The following LTB4R2 variants were observed in gnomAD, a reference collection of about 807,000 sequenced individuals.
LTB4R2 encodes the protein LTB4 receptor JULF2.
In LTB4R2, 6 loss-of-function variants were observed where a neutral mutation model predicts 5.3. That is an observed-to-expected ratio of 1.14 (90% CI 0.62 to 2.24). The LOEUF is 2.24. LTB4R2 is among the 30% of genes most tolerant of loss of function. LTB4R2 has a pLI of 0.00. For synonymous variants in LTB4R2, 310 were observed against 264.2 expected, an observed-to-expected ratio of 1.17 and a Z score of -1.68; for missense variants, 560 against 521.5, an observed-to-expected ratio of 1.07 and a Z score of -0.72.
chr14:24,311,501 C>T lies in LTB4R2; in HGVS notation c.837C>T (p.Phe279=), dbSNP rs769382667. Reference sequence around the variant, plus strand: ...CGGGAACTACGGCCTTGGCCTTCTTCAGTTCTAGCGTCAACCCGGTGCTCT... The same window carrying T: ...CGGGAACTACGGCCTTGGCCTTCTTTAGTTCTAGCGTCAACCCGGTGCTCT... ...ARAGTTALAF[F]SSSVNPVLYV... Residue 279 remains phenylalanine (F), a synonymous_variant, in exon 2 of 2, where the codon TTC becomes TTT. Coordinates refer to ENST00000533293, the MANE Select transcript of LTB4R2 (RefSeq NM_019839.5). 17 of 1,602,158 alleles carry T rather than the reference C, an allele frequency of 1.1e-5. No individual in the cohort carries two copies. The South Asian group carries it at 1.5e-4, about 14-fold the overall frequency.
At position 24,310,782 on chromosome 14, in the gene LTB4R2, T is replaced by C. The variant is rs768486468; in HGVS notation, c.118T>C (p.Phe40Leu). The change falls in exon 2 of 2, where the codon TTC (phenylalanine) becomes CTC (leucine). Residue 40 changes from phenylalanine to leucine, a missense_variant. Coordinates refer to ENST00000533293, the MANE Select transcript of LTB4R2 (RefSeq NM_019839.5). ...GCTGCTGGGGCTGCCTGGCAACGGC[T>C]TCGTGGTGTGGAGCTTGGCGGGCTG... ...AALLGLPGNG[F>L]VVWSLAGWRP... The C allele has an allele frequency of 1.2e-6, 2 of 1,606,666 alleles. No homozygotes were observed. Among genetic ancestry groups the C allele is most frequent in the Admixed American group, 1.7e-5 (1 of 59,928 alleles).
chr14:24,311,832 C>T lies in LTB4R2; in HGVS notation c.*91C>T. 1 of 1,180,566 alleles carries T rather than the reference C, an allele frequency of 8.5e-7. No individual in the cohort carries two copies. The allele number at this position is 1,180,566 out of a possible 1,614,324, so 73.1% of individuals were successfully genotyped here. On this transcript the variant is annotated 3_prime_UTR_variant, in exon 2 of 2. Transcript: ENST00000533293. ...CAGTGTTCTGGGACATTTGGGGACC[C>T]TTCTTTGACTAGAGTTTGGATCTGG...
At position 24,311,199 on chromosome 14, in the gene LTB4R2, G is replaced by A. The variant is rs1334784733; in HGVS notation, c.535G>A (p.Ala179Thr). Residue 179 changes from alanine to threonine, a missense_variant, in exon 2 of 2, where the codon GCC becomes ACC. Transcript: ENST00000533293. Reference protein sequence around the residue: ...QLCHPSPVHAAAHLSLETLTA... With the variant: ...QLCHPSPVHATAHLSLETLTA... ...GTGCCACCCGTCGCCGGTCCACGCC[G>A]CCGCCCACCTGAGCCTGGAGACTCT... The A allele has an allele frequency of 1.9e-6, 3 of 1,608,182 alleles. No homozygotes were observed. The highest frequency in any genetic ancestry group is 2.7e-5 in the African/African-American group (2 of 74,574).
chr14:24,310,929 C>T lies in LTB4R2; in HGVS notation c.265C>T (p.Leu89=), dbSNP rs1185903951. ...CTTCCTGACCCGGCAGGCCTGGCCG[C>T]TGGGCCAGGCGGGCTGCAAGGCGGT... is the stretch of plus-strand genomic sequence containing the variant. ...VAFLTRQAWP[L]GQAGCKAVYY... Residue 89 remains leucine (L), a synonymous_variant, in exon 2 of 2, where the codon CTG becomes TTG. Coordinates refer to ENST00000533293, the MANE Select transcript of LTB4R2 (RefSeq NM_019839.5). 6.3e-7 allele frequency: 1 copy of T among 1,590,290 alleles called. No individual in the cohort carries two copies. The highest frequency in any genetic ancestry group is 8.5e-7 in the Non-Finnish European group (1 of 1,176,374).
Position 24,310,928 on chromosome 14 carries a change from G to T in LTB4R2, c.264G>T (p.Pro88=). The change falls in exon 2 of 2, where the codon CCG becomes CCT. Residue 88 remains proline (P), a synonymous_variant. Coordinates refer to ENST00000533293, the MANE Select transcript of LTB4R2 (RefSeq NM_019839.5). ...FVAFLTRQAW[P]LGQAGCKAVY... ...CCTTCCTGACCCGGCAGGCCTGGCC[G>T]CTGGGCCAGGCGGGCTGCAAGGCGG... 3.1e-6 allele frequency: 5 copies of T among 1,589,410 alleles called. No homozygotes were observed. The highest frequency in any genetic ancestry group is 4.3e-6 in the Non-Finnish European group (5 of 1,176,120).
In LTB4R2 at chr14:24,311,781, C is replaced by T; in HGVS notation, c.*40C>T. ...ACCTGCTGCCCTTCCCTGTCCCTTT[C>T]CACCCCCCACCCACCCTCCAGAGGT... On this transcript the variant is annotated 3_prime_UTR_variant, in exon 2 of 2. Transcript: ENST00000533293. 4.1e-6 allele frequency: 6 copies of T among 1,479,156 alleles called. No individual in the cohort carries two copies. Among genetic ancestry groups the T allele is most frequent in the Non-Finnish European group, 5.5e-6 (6 of 1,099,588 alleles). 91.6% of individuals were successfully genotyped at this position (1,479,156 alleles called of 1,614,324 possible). A position where few individuals can be genotyped will look rare whatever the true frequency, so the allele number is the denominator to read the frequency against.
rs2041716521 is a variant in LTB4R2, at chr14:24,311,894, G to A, written c.*153G>A. The A allele has an allele frequency of 1.4e-6, 1 of 707,604 alleles. No individual in the cohort carries two copies. The highest frequency in any genetic ancestry group is 3.1e-5 in the Admixed American group (1 of 32,738). The allele number at this position is 707,604 out of a possible 1,614,324, so 43.8% of individuals were successfully genotyped here. A position where few individuals can be genotyped will look rare whatever the true frequency, so the allele number is the denominator to read the frequency against. On this transcript the variant is annotated 3_prime_UTR_variant, in exon 2 of 2. Transcript: ENST00000533293. Reference sequence around the variant, plus strand: ...TACTATACACTTGGGGCAGGCCCAGGCTCCTCCAAACTGAGGGATTATGAG... The same window carrying A: ...TACTATACACTTGGGGCAGGCCCAGACTCCTCCAAACTGAGGGATTATGAG...
Position 24,311,114 on chromosome 14 carries a change from G to A in LTB4R2, c.450G>A (p.Leu150=). The part of the protein sequence containing the change: ...RLLLAVWLAA[L]LLAVPAAVYR... Reference sequence around the variant, plus strand: ...TGCTGGCGGTCTGGCTGGCCGCCCTGTTGCTCGCCGTCCCGGCCGCCGTCT... The same window carrying A: ...TGCTGGCGGTCTGGCTGGCCGCCCTATTGCTCGCCGTCCCGGCCGCCGTCT... Residue 150 remains leucine (L), a synonymous_variant, in exon 2 of 2, where the codon CTG becomes CTA. Coordinates refer to ENST00000533293, the MANE Select transcript of LTB4R2 (RefSeq NM_019839.5). 6.3e-7 allele frequency: 1 copy of A among 1,575,770 alleles called. No homozygotes were observed. Among genetic ancestry groups the A allele is most frequent in the Non-Finnish European group, 8.6e-7 (1 of 1,167,424 alleles).
In LTB4R2 at chr14:24,311,789, C is replaced by T. The variant is rs370742033; in HGVS notation, c.*48C>T. On this transcript the variant is annotated 3_prime_UTR_variant, in exon 2 of 2. Coordinates refer to ENST00000533293, the MANE Select transcript of LTB4R2 (RefSeq NM_019839.5). The stretch of plus-strand genomic sequence containing the variant: ...CCCTTCCCTGTCCCTTTCCACCCCC[C>T]ACCCACCCTCCAGAGGTCAGTGTTC... 6.8e-7 allele frequency: 1 copy of T among 1,461,044 alleles called. No homozygotes were observed. The highest frequency in any genetic ancestry group is 9.2e-7 in the Non-Finnish European group (1 of 1,085,948). 90.5% of individuals were successfully genotyped at this position (1,461,044 alleles called of 1,614,324 possible). A position where few individuals can be genotyped will look rare whatever the true frequency, so the allele number is the denominator to read the frequency against.
chr14:24,311,525 C>CT lies in LTB4R2; in HGVS notation c.862dup (p.Tyr288LeufsTer34). 6.2e-7 allele frequency: 1 copy of CT among 1,604,140 alleles called. No homozygotes were observed. The highest frequency in any genetic ancestry group is 8.5e-7 in the Non-Finnish European group (1 of 1,179,992). On this transcript the variant is annotated frameshift_variant, in exon 2 of 2. Coordinates refer to ENST00000533293, the MANE Select transcript of LTB4R2 (RefSeq NM_019839.5). LOFTEE classifies it high-confidence loss of function. Reference sequence around the variant, plus strand: ...TCAGTTCTAGCGTCAACCCGGTGCTCTACGTCTTCACCGCTGGAGATCTGC... The same window carrying CT: ...TCAGTTCTAGCGTCAACCCGGTGCTCTTACGTCTTCACCGCTGGAGATCTGC...
chr14:24,311,479 G>T lies in LTB4R2; in HGVS notation c.815G>T (p.Gly272Val), dbSNP rs756267239. 13 of 1,601,372 alleles carry T rather than the reference G, an allele frequency of 8.1e-6. No homozygotes were observed. Among genetic ancestry groups the T allele is most frequent in the South Asian group, 5.5e-5 (5 of 91,096 alleles). ...GGAGCCGGCCAGGCGGCGCGAGCGG[G>T]AACTACGGCCTTGGCCTTCTTCAGT... ...LGGAGQAARA[G>V]TTALAFFSSS... Residue 272 changes from glycine to valine, a missense_variant, in exon 2 of 2, where the codon GGA becomes GTA. By Grantham distance (109) the Gly-to-Val change is moderately radical. Transcript: ENST00000533293.
Position 24,311,885 on chromosome 14 carries a change from C to G in LTB4R2, c.*144C>G, listed in dbSNP as rs977866425. ...GGGTAGGATTACTATACACTTGGGG[C>G]AGGCCCAGGCTCCTCCAAACTGAGG... On this transcript the variant is annotated 3_prime_UTR_variant, in exon 2 of 2. Coordinates refer to ENST00000533293, the MANE Select transcript of LTB4R2 (RefSeq NM_019839.5). 5.4e-6 allele frequency: 4 copies of G among 735,512 alleles called. No individual in the cohort carries two copies. The highest frequency in any genetic ancestry group is 8.8e-6 in the Non-Finnish European group (4 of 452,752). The allele number at this position is 735,512 out of a possible 1,614,324, so 45.6% of individuals were successfully genotyped here.
rs537811819 is a variant in LTB4R2, at chr14:24,311,700, G to A, written c.1036G>A (p.Gly346Arg). The change falls in exon 2 of 2, where the codon GGG (glycine) becomes AGG (arginine). Residue 346 changes from glycine (G) to arginine (R), a missense_variant. Gly to Arg is a moderately radical substitution (Grantham distance 125, BLOSUM62 -2). Coordinates refer to ENST00000533293, the MANE Select transcript of LTB4R2 (RefSeq NM_019839.5). The part of the protein sequence containing the change: ...VGQGRGNGDP[G>R]GGMEKDGPEW... ...GCAGGGCCGCGGCAATGGAGACCCG[G>A]GGGGTGGGATGGAGAAGGACGGTCC... The A allele has an allele frequency of 6.2e-7, 1 of 1,606,404 alleles. No individual in the cohort carries two copies.
rs774091406 is a variant in LTB4R2 at position 24,311,348 on chromosome 14, C to T, written c.684C>T (p.Ala228=). The change falls in exon 2 of 2, where the codon GCC becomes GCT. Residue 228 remains alanine, a synonymous_variant. Coordinates refer to ENST00000533293, the MANE Select transcript of LTB4R2 (RefSeq NM_019839.5). ...CGCGGGTGGGCCGGCTGGTGAGCGC[C>T]ATCGTGCTTGCCTTCGGCTTGCTCT... is the stretch of plus-strand genomic sequence containing the variant. ...HGARVGRLVS[A]IVLAFGLLWA... 1.2e-6 allele frequency: 2 copies of T among 1,605,794 alleles called. No individual in the cohort carries two copies. The highest frequency in any genetic ancestry group is 2.2e-5 in the South Asian group (2 of 90,896).
chr14:24,310,985 C>T lies in LTB4R2; in HGVS notation c.321C>T (p.Ala107=), dbSNP rs756038598. Residue 107 remains alanine, a synonymous_variant, in exon 2 of 2, where the codon GCC becomes GCT. Coordinates refer to ENST00000533293, the MANE Select transcript of LTB4R2 (RefSeq NM_019839.5). ...VYYVCALSMY[A]SVLLTGLLSL... ...ACGTGTGCGCGCTCAGCATGTACGCCAGCGTGCTGCTCACCGGCCTGCTCA... is the reference window on the plus strand; with the variant it reads ...ACGTGTGCGCGCTCAGCATGTACGCTAGCGTGCTGCTCACCGGCCTGCTCA... The T allele has an allele frequency of 1.9e-6, 3 of 1,590,044 alleles. No individual in the cohort carries two copies. Among genetic ancestry groups the T allele is most frequent in the Middle Eastern group, 1.7e-4 (1 of 5,988 alleles).
In LTB4R2 at chr14:24,311,151, T is replaced by C. The variant is rs1377169549; in HGVS notation, c.487T>C (p.Trp163Arg). 6.2e-7 allele frequency: 1 copy of C among 1,601,658 alleles called. No homozygotes were observed. The highest frequency in any genetic ancestry group is 8.5e-7 in the Non-Finnish European group (1 of 1,176,240). The change falls in exon 2 of 2, where the codon TGG becomes CGG. Residue 163 changes from tryptophan (W) to arginine (R), a missense_variant. Transcript: ENST00000533293. ...CCCGGCCGCCGTCTACCGCCACCTG[T>C]GGAGGGACCGCGTATGCCAGCTGTG... ...AVPAAVYRHL[W>R]RDRVCQLCHP... is the part of the protein sequence containing the mutation.
rs373025965 is a variant in LTB4R2 at position 24,311,124 on chromosome 14, G to A, written c.460G>A (p.Val154Ile). The A allele has an allele frequency of 7.6e-6, 12 of 1,581,710 alleles. No individual in the cohort carries two copies. The South Asian group carries it at 9.1e-5, about 12-fold the overall frequency. Residue 154 changes from valine to isoleucine, a missense_variant, in exon 2 of 2, where the codon GTC becomes ATC. Physicochemically the swap from Val to Ile is conservative, Grantham distance 29. Coordinates refer to ENST00000533293, the MANE Select transcript of LTB4R2 (RefSeq NM_019839.5). ...AVWLAALLLA[V>I]PAAVYRHLWR... ...CTGGCTGGCCGCCCTGTTGCTCGCC[G>A]TCCCGGCCGCCGTCTACCGCCACCT... is the stretch of plus-strand genomic sequence containing the variant.
chr14:24,310,197 C>T lies in LTB4R2; in HGVS notation c.-69C>T. On this transcript the variant is annotated 5_prime_UTR_variant, in exon 1 of 2. Transcript: ENST00000533293. ...CACAGGACAGGAGTAGGCACCTCGC[C>T]TACTGCTGCTTAACCTTTCAGCTTC... 2.6e-6 allele frequency: 1 copy of T among 388,362 alleles called. No individual in the cohort carries two copies. Among genetic ancestry groups the T allele is most frequent in the South Asian group, 2.8e-5 (1 of 35,880 alleles). The allele number at this position is 388,362 out of a possible 1,614,324, so 24.1% of individuals were successfully genotyped here.
intron 1 of LTB4R2, 167 bp from the exon 2 acceptor site, chr14:24,310,488 T>G: frequency 4.1e-6 from 3 of 734,730 alleles, no homozygotes; most frequent in Non-Finnish European, 4.9e-6. Context: ...GAAGGAGTTG[T>G]GTTTGAGGTG....
Sources: allele counts gnomAD v4.1 joint callset, GRCh38; gene constraint gnomAD v4.1.1; transcripts MANE v1.5; gene names NCBI Gene and HGNC (gene_info 2026-07-23, HGNC 2026-07-21).